Variants in DESI2 observed in about 807,000 individuals in gnomAD.
DESI2 encodes deubiquitinase DESI2.
In DESI2, 10 loss-of-function variants were observed where a neutral mutation model predicts 24.1. That is an observed-to-expected ratio of 0.41 (90% CI 0.26 to 0.70). The LOEUF (loss-of-function observed/expected upper bound fraction) is 0.70. Ranked by LOEUF, DESI2 falls within the 30% of genes least tolerant of loss-of-function variation. The pLI, the probability that DESI2 is intolerant of heterozygous loss-of-function variation, is 0.29. For missense variants in DESI2, 122 were observed against 234.9 expected (o/e 0.52, Z 3.14); for synonymous variants, 71 against 87.7 (o/e 0.81, Z 1.06).
chr1:244,688,185 G>A (rs1377850156), intron 2 of DESI2, among the ~76,000 whole-genome samples: 1 of 152,108 alleles, frequency 6.6e-6, no homozygotes, highest in African/African-American at 2.4e-5. Context: ...ATATATTCCT[G>A]AAAATTAGTG....
Position 244,706,974 on chromosome 1 carries a change from A to C in DESI2, c.*1185A>C, listed in dbSNP as rs768260298. The C allele has an allele frequency of 1.3e-5, 2 of 152,650 alleles. No homozygotes were observed. The highest frequency in any genetic ancestry group is 2.9e-5 in the Non-Finnish European group (2 of 68,038). 9.5% of individuals were successfully genotyped at this position (152,650 alleles called of 1,614,324 possible). Reference sequence around the variant, plus strand: ...ACTCTAAGAATGAAACTGTCACCACAGGTAAATCCTTGTTAGCAAGGAATC... The same window carrying C: ...ACTCTAAGAATGAAACTGTCACCACCGGTAAATCCTTGTTAGCAAGGAATC... On this transcript the variant is annotated 3_prime_UTR_variant, in exon 5 of 5. Transcript: ENST00000302550.
At chr1:244,675,146 G>A (rs1558656359) in intron 1 of DESI2, among the ~76,000 whole-genome samples, 1 of 151,980 alleles carries the variant, frequency 6.6e-6, no homozygotes, top group Non-Finnish European at 1.5e-5. Context: ...TTTTAGTAGG[G>A]TTATGTGTCT....
chr1:244,676,278 G>T (rs151025858), intron 1 of DESI2, among the ~76,000 whole-genome samples: 1 of 151,758 alleles, frequency 6.6e-6, no homozygotes, highest in Non-Finnish European at 1.5e-5. Flanking sequence ...GGGTTTCACC[G>T]TGCTAGCCAG....
chr1:244,695,967 A>C (rs1419204096), intron 4 of DESI2, among the ~76,000 whole-genome samples: 2 of 152,062 alleles, frequency 1.3e-5, no homozygotes, highest in Non-Finnish European at 1.5e-5. Flanking sequence ...ATGGAGTTGC[A>C]TTATATTGCC....
chr1:244,662,847 C>T (rs1190564628), intron 1 of DESI2, among the ~76,000 whole-genome samples: 2 of 152,066 alleles, frequency 1.3e-5, no homozygotes, highest in Non-Finnish European at 2.9e-5. Flanking sequence ...TAAATCGGGC[C>T]ACATGCTACC....
chr1:244,699,746 C>CA (rs1189275975), intron 4 of DESI2, among the ~76,000 whole-genome samples: 1 of 152,056 alleles, frequency 6.6e-6, no homozygotes, highest in East Asian at 1.9e-4. Flanking sequence ...GTAACAACAA[C>CA]AAAAAACAAA....
intron 1 of DESI2, among the ~76,000 whole-genome samples, chr1:244,682,869 A>C (rs1326550650): frequency 1.4e-5 from 2 of 146,296 alleles, no homozygotes; most frequent in Non-Finnish European, 3.0e-5. Context: ...AAAAAAAAAA[A>C]ACTCAGTGAT....
chr1:244,698,291 C>A (rs1357896327), intron 4 of DESI2, among the ~76,000 whole-genome samples: 1 of 152,154 alleles, frequency 6.6e-6, no homozygotes, highest in Non-Finnish European at 1.5e-5. Flanking sequence ...TGTCTCACAG[C>A]CGATGATATT....
At chr1:244,684,510 G>A (rs1393873774) in intron 1 of DESI2, among the ~76,000 whole-genome samples, 1 of 151,884 alleles carries the variant, frequency 6.6e-6, no homozygotes, top group Non-Finnish European at 1.5e-5. Context: ...TCAAAAATGT[G>A]ATCATGCTAC....
At chr1:244,687,759 C>T (rs1374675401) in intron 2 of DESI2, among the ~76,000 whole-genome samples, 1 of 152,196 alleles carries the variant, frequency 6.6e-6, no homozygotes, top group Non-Finnish European at 1.5e-5. Context: ...TACTGAGGGG[C>T]TCTTGCTGGA....
chr1:244,656,873 CA>C (rs778242220), intron 1 of DESI2, among the ~76,000 whole-genome samples: 2 of 152,206 alleles, frequency 1.3e-5, no homozygotes, highest in Non-Finnish European at 2.9e-5. Context: ...CTCCCCAGTT[CA>C]AGTGATTCTC....
At chr1:244,697,171 C>A (rs1677248942) in intron 4 of DESI2, among the ~76,000 whole-genome samples, 1 of 152,060 alleles carries the variant, frequency 6.6e-6, no homozygotes, top group African/African-American at 2.4e-5. Context: ...TAGCAAATCA[C>A]CAAAACGGGG....
At chr1:244,659,886 G>T (rs1315428234) in intron 1 of DESI2, among the ~76,000 whole-genome samples, 4 of 152,138 alleles carry the variant, frequency 2.6e-5, no homozygotes. Flanking sequence ...ACTCGACTTG[G>T]CATAGAATAA....
At chr1:244,663,813 T>G (rs918034854) in intron 1 of DESI2, among the ~76,000 whole-genome samples, 1 of 151,780 alleles carries the variant, frequency 6.6e-6, no homozygotes, top group Admixed American at 6.6e-5. Context: ...GGTCAGGAGA[T>G]CGAGACCATC....
At chr1:244,684,508 G>A (rs1258280199) in intron 1 of DESI2, among the ~76,000 whole-genome samples, 1 of 152,032 alleles carries the variant, frequency 6.6e-6, no homozygotes, top group African/African-American at 2.4e-5. Context: ...TTTCAAAAAT[G>A]TGATCATGCT....
chr1:244,656,338 C>T (rs774824026), intron 1 of DESI2: 4 of 152,124 alleles, frequency 2.6e-5, no homozygotes, highest in Admixed American at 6.5e-5. Flanking sequence ...ATAACTCTGC[C>T]GTATGCATGA....
intron 1 of DESI2, among the ~76,000 whole-genome samples, chr1:244,667,560 C>G (rs1449548217): frequency 6.6e-6 from 1 of 152,092 alleles, no homozygotes; most frequent in Non-Finnish European, 1.5e-5. Flanking sequence ...ACTAACTTTC[C>G]CAAGGCCACA....
chr1:244,695,435 C>T (rs545555981), intron 4 of DESI2, among the ~76,000 whole-genome samples: 33 of 152,362 alleles, frequency 2.2e-4, no homozygotes, highest in African/African-American at 7.7e-4. Flanking sequence ...CGGGGGATCA[C>T]AAGGTCAAGA....
chr1:244,684,525 A>G (rs1368331782), intron 1 of DESI2, among the ~76,000 whole-genome samples: 3 of 145,226 alleles, frequency 2.1e-5, no homozygotes, highest in Non-Finnish European at 4.5e-5. Flanking sequence ...TGCTACACAT[A>G]TTATGACTTG....
Sources: gnomAD v4.1 joint callset for allele counts (sites outside exome capture counted in the v4.1 genomes callset) on GRCh38, gnomAD v4.1.1 for gene constraint, MANE v1.5 for transcripts, NCBI Gene and HGNC (gene_info 2026-07-23, HGNC 2026-07-21) for gene names.